The following ADCY1 variants were observed in gnomAD, a reference collection of about 807,000 sequenced individuals.
ADCY1 encodes the protein adenylate cyclase type 1.
A neutral mutation model predicts 105.4 loss-of-function variants in ADCY1; 28 were observed. That is an observed-to-expected ratio of 0.27 (90% confidence interval 0.20 to 0.36). The LOEUF is 0.36. ADCY1 is among the 10% of genes least tolerant of loss of function. The pLI, the probability that ADCY1 is intolerant of heterozygous loss-of-function variation, is 1.00. For synonymous variants in ADCY1, 655 were observed against 623.8 expected (o/e 1.05, Z -0.75); for missense variants, 977 against 1,434.2 (o/e 0.68, Z 5.15).
At chr7:45,685,938 C>A in intron 12 of ADCY1, 24 bp from the exon 13 acceptor site, 1 of 1,600,222 alleles carries the variant, frequency 6.2e-7, no homozygotes, top group Non-Finnish European at 8.5e-7. Context: ...CTTTGCTAAG[C>A]CCCTGTGACC....
intron 6 of ADCY1, among the ~76,000 whole-genome samples, chr7:45,658,874 C>T (rs111661382): frequency 4.6e-4 from 70 of 152,304 alleles, no homozygotes; most frequent in African/African-American, 1.6e-3. Flanking sequence ...TGAGGCTTGC[C>T]GTGAGCGCCC....
chr7:45,630,274 GT>G (rs1794201384), intron 4 of ADCY1, among the ~76,000 whole-genome samples: 1 of 152,156 alleles, frequency 6.6e-6, no homozygotes, highest in Non-Finnish European at 1.5e-5. Context: ...ATGAAGTCCA[GT>G]TTATCAGTTT....
At chr7:45,696,067 A>C (rs377548438) in intron 14 of ADCY1, among the ~76,000 whole-genome samples, 7 of 152,218 alleles carry the variant, frequency 4.6e-5, no homozygotes, top group African/African-American at 1.4e-4. Context: ...CAGCAGACCC[A>C]CCGGACATCC....
chr7:45,619,018 A>G (rs908400409), intron 3 of ADCY1, among the ~76,000 whole-genome samples: 1 of 152,220 alleles, frequency 6.6e-6, no homozygotes, highest in Non-Finnish European at 1.5e-5. Context: ...ACAGGATGGA[A>G]TACTATTCAG....
At chr7:45,610,958 G>GGGAAGGTGATGGAGGTGGGGAGGTGA (rs1793562808) in intron 3 of ADCY1, among the ~76,000 whole-genome samples, 1 of 115,270 alleles carries the variant, frequency 8.7e-6, no homozygotes, top group Non-Finnish European at 1.9e-5. Flanking sequence ...TAGTGGAGGT[G>GGGAAGGTGATGGAGGTGGGGAGGTGA]TAGAGGTGAT....
chr7:45,574,559 C>CGCGGCGGAGGCG lies in ADCY1; in HGVS notation c.32_43dup (p.Gly11_Gly14dup), dbSNP rs968371618. 3.7e-5 allele frequency: 36 copies of CGCGGCGGAGGCG among 977,022 alleles called. No homozygotes were observed. In the East Asian group the frequency reaches 1.2e-3, roughly 32 times the overall value. 60.5% of individuals were successfully genotyped at this position (977,022 alleles called of 1,614,324 possible). A position where few individuals can be genotyped will look rare whatever the true frequency, so the allele number is the denominator to read the frequency against. ...TGGCGCTGAGATGGCGGGGGCGCCG[C>CGCGGCGGAGGCG]GCGGCGGAGGCGGCGGCGGAGGCGG... On this transcript the variant is annotated inframe_insertion, in exon 1 of 20. Transcript: ENST00000297323. The surrounding 1 kb of genome is among the most constrained non-coding windows in gnomAD (Gnocchi z 7.0).
intron 2 of ADCY1, among the ~76,000 whole-genome samples, chr7:45,601,497 G>C (rs960848430): frequency 1.3e-5 from 2 of 151,994 alleles, no homozygotes; most frequent in Non-Finnish European, 2.9e-5. Flanking sequence ...ACTCCTTTTC[G>C]CAGTACTGCC....
intron 4 of ADCY1, among the ~76,000 whole-genome samples, chr7:45,638,170 A>G (rs1794442740): frequency 6.6e-6 from 1 of 152,088 alleles, no homozygotes; most frequent in Non-Finnish European, 1.5e-5. Flanking sequence ...ATCCTTTTTC[A>G]AATACATTTT....
chr7:45,615,049 T>C (rs1042467457), intron 3 of ADCY1, among the ~76,000 whole-genome samples: 2 of 152,072 alleles, frequency 1.3e-5, no homozygotes, highest in Non-Finnish European at 2.9e-5. Context: ...ATAGCGGACA[T>C]TACAAAACTC....
At chr7:45,600,053 G>A (rs1444624839) in intron 2 of ADCY1, among the ~76,000 whole-genome samples, 1 of 152,242 alleles carries the variant, frequency 6.6e-6, no homozygotes, top group Non-Finnish European at 1.5e-5. Flanking sequence ...AGGCTCAGAA[G>A]CCACATGCCA....
At chr7:45,594,531 A>G (rs140515452) in intron 2 of ADCY1, among the ~76,000 whole-genome samples, 2 of 151,020 alleles carry the variant, frequency 1.3e-5, no homozygotes, top group African/African-American at 2.4e-5. Flanking sequence ...TCTCCCTCCC[A>G]TTTCCTTTTC....
At chr7:45,643,302 G>T (rs1356209448) in intron 4 of ADCY1, among the ~76,000 whole-genome samples, 5 of 151,736 alleles carry the variant, frequency 3.3e-5, no homozygotes, top group Admixed American at 3.3e-4. Context: ...AATAAATTAT[G>T]AGTTTATATT....
intron 4 of ADCY1, among the ~76,000 whole-genome samples, chr7:45,640,387 G>T (rs776474406): frequency 6.6e-6 from 1 of 152,166 alleles, no homozygotes; most frequent in Non-Finnish European, 1.5e-5. Context: ...ATCATAAATT[G>T]ATACATGGTA....
rs547434204 is a variant in ADCY1, at chr7:45,633,040, C to T, written c.1020+10297C>T. On this transcript the variant is annotated intron_variant, in intron 4 of 19. Coordinates refer to ENST00000297323, the MANE Select transcript of ADCY1 (RefSeq NM_021116.4). ...TCAAGTGATTCTCCTACCTCAGCCT[C>T]TGGAGTAACTGAGATTACAGGCACA... Among the ~76,000 whole-genome samples the T allele has an allele frequency of 1.3e-3, 201 of 152,212 alleles. 1 individual carries two copies. Among genetic ancestry groups the T allele is most frequent in the African/African-American group, 4.7e-3 (195 of 41,514 alleles).
intron 17 of ADCY1, among the ~76,000 whole-genome samples, chr7:45,705,746 C>G (rs1030828000): frequency 6.6e-6 from 1 of 152,112 alleles, no homozygotes; most frequent in African/African-American, 2.4e-5. Context: ...GGCATACAGA[C>G]TGAGAAGGAA....
chr7:45,606,979 T>G (rs1375414725), intron 2 of ADCY1, among the ~76,000 whole-genome samples: 4 of 152,198 alleles, frequency 2.6e-5, no homozygotes, highest in Non-Finnish European at 5.9e-5. Flanking sequence ...CGTGGAATCT[T>G]TATAATGTGA....
At chr7:45,623,714 C>T (rs191646931) in intron 4 of ADCY1, among the ~76,000 whole-genome samples, 2 of 152,302 alleles carry the variant, frequency 1.3e-5, no homozygotes, top group Admixed American at 6.5e-5. Flanking sequence ...GGCACATCCT[C>T]CCTGAGATTT....
intron 8 of ADCY1, among the ~76,000 whole-genome samples, chr7:45,670,257 A>G (rs1243775372): frequency 6.6e-6 from 1 of 152,120 alleles, no homozygotes; most frequent in Non-Finnish European, 1.5e-5. Flanking sequence ...TGTGTGTATC[A>G]TCTACTCACT....
At chr7:45,639,874 G>T (rs755345088) in intron 4 of ADCY1, among the ~76,000 whole-genome samples, 6 of 152,268 alleles carry the variant, frequency 3.9e-5, no homozygotes, top group Middle Eastern at 3.4e-3. Context: ...AATCCTGTGG[G>T]ATATGCTGAG....
Sources: allele counts gnomAD v4.1 joint callset (sites outside exome capture counted in the v4.1 genomes callset), GRCh38; gene constraint gnomAD v4.1.1; non-coding constraint Gnocchi (gnomAD v3.1); transcripts MANE v1.5; gene names NCBI Gene and HGNC (gene_info 2026-07-23, HGNC 2026-07-21).